The following MPHOSPH9 variants were observed in gnomAD, a reference collection of about 807,000 sequenced individuals.
MPHOSPH9 encodes the protein M-phase phosphoprotein 9.
A neutral mutation model predicts 145.5 loss-of-function variants in MPHOSPH9; 88 were observed. The observed-to-expected ratio is 0.60, with a 90% CI of 0.51 to 0.72. MPHOSPH9 has a LOEUF of 0.72. MPHOSPH9 is among the 30% of genes least tolerant of loss of function. MPHOSPH9 has a pLI of 0.00. For synonymous variants in MPHOSPH9, 435 were observed against 486.2 expected, an observed-to-expected ratio of 0.89 and a Z score of 1.39; for missense variants, 1,238 against 1,386.6, an observed-to-expected ratio of 0.89 and a Z score of 1.70.
intron 7 of MPHOSPH9, among the ~76,000 whole-genome samples, chr12:123,212,537 A>G (rs796656080): frequency 1.1e-4 from 17 of 151,964 alleles, no homozygotes; most frequent in African/African-American, 4.1e-4. Flanking sequence ...GAAAAACTCT[A>G]TCTCTACTAA....
intron 18 of MPHOSPH9, among the ~76,000 whole-genome samples, 185 bp downstream of exon 18, chr12:123,165,117 C>T: frequency 6.6e-6 from 1 of 150,640 alleles, no homozygotes; most frequent in East Asian, 1.9e-4. Context: ...TATGCCAGAA[C>T]TGTGATAAAT....
At chr12:123,198,473 T>C in intron 11 of MPHOSPH9, 139 bp from the exon 12 acceptor site, 3 of 698,864 alleles carry the variant, frequency 4.3e-6, no homozygotes, top group Non-Finnish European at 7.1e-6. Flanking sequence ...GCCATTTTAA[T>C]AGAATATAGC....
At chr12:123,194,664 C>A in intron 12 of MPHOSPH9, 63 bp from the exon 13 acceptor site, 1 of 1,219,676 alleles carries the variant, frequency 8.2e-7, no homozygotes, top group Non-Finnish European at 1.1e-6. Context: ...CTCTGTTGCC[C>A]AAGCTGGAGT....
intron 13 of MPHOSPH9, among the ~76,000 whole-genome samples, chr12:123,192,604 G>C (rs1029459363): frequency 8.2e-6 from 1 of 121,514 alleles, no homozygotes; most frequent in Non-Finnish European, 1.6e-5. Flanking sequence ...ACTCCAGCCT[G>C]GGCAACAGAG....
In MPHOSPH9 at chr12:123,169,114, G is replaced by C. The variant is rs374994834; in HGVS notation, c.2457-2325C>G. On this transcript the variant is annotated intron_variant, in intron 16 of 23. Transcript: ENST00000606320. ...TTATTAGCCAGGATGGTCTTGATCT[G>C]CTGACCTCGTGATCCACCCACCTTG... Among the ~76,000 whole-genome samples, 36 of 151,234 alleles carry C rather than the reference G, an allele frequency of 2.4e-4. 1 individual carries two copies. The South Asian group carries it at 4.6e-3, about 19-fold the overall frequency.
rs546054210 is a variant in MPHOSPH9, at chr12:123,181,984, G to A, written c.2242-774C>T. On this transcript the variant is annotated intron_variant, in intron 13 of 23. Coordinates refer to ENST00000606320, the MANE Select transcript of MPHOSPH9 (RefSeq NM_022782.4). ...TTTTTTTTTTTCTTTAGATGGAGTC[G>A]CTCTGTCGCCAGGCTGGAGTACAGT... 1.3e-4 allele frequency among the ~76,000 whole-genome samples: 19 copies of A among 150,670 alleles called. No individual in the cohort carries two copies. The South Asian group carries it at 2.7e-3, about 22-fold the overall frequency.
At chr12:123,170,533 T>C (rs2044533534) in intron 16 of MPHOSPH9, among the ~76,000 whole-genome samples, 1 of 152,114 alleles carries the variant, frequency 6.6e-6, no homozygotes, top group Non-Finnish European at 1.5e-5. Flanking sequence ...TTCCCCACCT[T>C]GGCCTCCCAA....
intron 16 of MPHOSPH9, among the ~76,000 whole-genome samples, chr12:123,171,613 G>T (rs1395406034): frequency 6.6e-6 from 1 of 151,858 alleles, no homozygotes; most frequent in Non-Finnish European, 1.5e-5. Context: ...ACCAGGCATG[G>T]TAGTGGGCAC....
intron 8 of MPHOSPH9, among the ~76,000 whole-genome samples, chr12:123,208,595 C>T (rs561935072): frequency 6.0e-5 from 9 of 149,506 alleles, no homozygotes; most frequent in African/African-American, 2.0e-4. Context: ...GGAAATGGAT[C>T]GCATAACAAA....
intron 8 of MPHOSPH9, among the ~76,000 whole-genome samples, chr12:123,209,442 C>T (rs917336192): frequency 2.6e-5 from 4 of 151,706 alleles, no homozygotes; most frequent in Admixed American, 1.3e-4. Flanking sequence ...GTTGCACTCT[C>T]GTTGCCCAAG....
intron 22 of MPHOSPH9, 22 bp downstream of exon 22, chr12:123,161,114 A>T (rs779457135): frequency 2.5e-6 from 4 of 1,609,974 alleles, no homozygotes; most frequent in Middle Eastern, 1.7e-4. Context: ...AACAATTTTT[A>T]AAAATATTTG....
chr12:123,210,199 G>GA, intron 7 of MPHOSPH9, 37 bp from the exon 8 acceptor site: 11 of 1,254,626 alleles, frequency 8.8e-6, no homozygotes, highest in East Asian at 5.3e-5. Flanking sequence ...AAAAGAGTGA[G>GA]AAAAAAACAA....
rs766447913 is a variant in MPHOSPH9, at chr12:123,221,648, T to C, written c.596A>G (p.Tyr199Cys). 2.5e-6 allele frequency: 4 copies of C among 1,614,050 alleles called. No individual in the cohort carries two copies. The African/African-American group carries it at 4.0e-5, about 16-fold the overall frequency. ...NVDSCSVSSG[Y>C]GTFCISELNL... Reference sequence around the variant, plus strand: ...TAATTCTGAGATACAAAAGGTGCCATATCCACTGCTTACTGAGCAACTATC... The same window carrying C: ...TAATTCTGAGATACAAAAGGTGCCACATCCACTGCTTACTGAGCAACTATC... Residue 199 changes from tyrosine (Y) to cysteine (C), a missense_variant, in exon 5 of 24, where the codon TAT becomes TGT. Tyr to Cys is a radical substitution (Grantham distance 194). Coordinates refer to ENST00000606320, the MANE Select transcript of MPHOSPH9 (RefSeq NM_022782.4).
At chr12:123,233,152 C>G (rs1687034010), upstream of MPHOSPH9, 1 of 152,106 alleles carries the variant, frequency 6.6e-6, no homozygotes, top group African/African-American at 2.4e-5. Flanking sequence ...AGCGCGCGCG[C>G]GCCCGGCGTC....
At chr12:123,216,735 C>T (rs1301327053) in intron 6 of MPHOSPH9, among the ~76,000 whole-genome samples, 5 of 151,882 alleles carry the variant, frequency 3.3e-5, no homozygotes, top group Non-Finnish European at 5.9e-5. Context: ...CAGTGGCTCA[C>T]GTCTATAATC....
At chr12:123,242,643 A>G (rs1039828970) in intron 1 of MPHOSPH9, among the ~76,000 whole-genome samples, 1 of 152,142 alleles carries the variant, frequency 6.6e-6, no homozygotes, top group Non-Finnish European at 1.5e-5. Context: ...AACACCGGAG[A>G]CCTTCTTGAA....
At chr12:123,226,380 A>G in intron 3 of MPHOSPH9, 3 of 1,032,310 alleles carry the variant, frequency 2.9e-6, no homozygotes, top group Non-Finnish European at 2.5e-6. Flanking sequence ...TATGCTTCTA[A>G]AAGTACAATT....
At chr12:123,239,846 A>G (rs1181758851) in intron 1 of MPHOSPH9, among the ~76,000 whole-genome samples, 1 of 151,944 alleles carries the variant, frequency 6.6e-6, no homozygotes, top group Non-Finnish European at 1.5e-5. Flanking sequence ...TCAAATCAGT[A>G]TTTGTTTAAT....
In MPHOSPH9 at chr12:123,156,123, A is replaced by T. The variant is rs1433982479; in HGVS notation, c.*684T>A. On this transcript the variant is annotated 3_prime_UTR_variant, in exon 24 of 24. Coordinates refer to ENST00000606320, the MANE Select transcript of MPHOSPH9 (RefSeq NM_022782.4). Reference sequence around the variant, plus strand: ...CAGAGAGCTACTCTGAGAGCCCTCCAGAGAGGGCTCTCCAATTGTTTAACT... The same window carrying T: ...CAGAGAGCTACTCTGAGAGCCCTCCTGAGAGGGCTCTCCAATTGTTTAACT... 6.6e-6 allele frequency: 1 copy of T among 152,362 alleles called. No homozygotes were observed. The highest frequency in any genetic ancestry group is 2.4e-5 in the African/African-American group (1 of 41,588). The allele number at this position is 152,362 out of a possible 1,614,324, so 9.4% of individuals were successfully genotyped here. A position where few individuals can be genotyped will look rare whatever the true frequency, so the allele number is the denominator to read the frequency against.
Sources: allele counts gnomAD v4.1 joint callset (sites outside exome capture counted in the v4.1 genomes callset), GRCh38; gene constraint gnomAD v4.1.1; transcripts MANE v1.5; gene names NCBI Gene and HGNC (gene_info 2026-07-23, HGNC 2026-07-21).